The following CAMKMT variants were observed in gnomAD, a reference collection of about 807,000 sequenced individuals.
CAMKMT encodes the protein CaM KMT.
In CAMKMT, 53 loss-of-function variants were observed where a neutral mutation model predicts 48.0. The ratio of observed to expected loss-of-function variants is 1.10; its 90% CI spans 0.89 to 1.39. The LOEUF (loss-of-function observed/expected upper bound fraction) is 1.39, where lower values mean the gene tolerates loss of function less well. Ranked by LOEUF, CAMKMT falls within the 40% of genes most tolerant of loss-of-function variation. CAMKMT has a pLI of 0.00. For missense variants in CAMKMT, 428 were observed against 402.7 expected (o/e 1.06, Z -0.54); for synonymous variants, 165 against 152.3 (o/e 1.08, Z -0.61).
At chr2:44,705,397 G>A in intron 4 of CAMKMT, 1 of 985,328 alleles carries the variant, frequency 1.0e-6, no homozygotes, top group Non-Finnish European at 1.2e-6. Flanking sequence ...AATTTTGAAT[G>A]TGGGCTGCAG....
intron 3 of CAMKMT, among the ~76,000 whole-genome samples, chr2:44,670,270 C>T (rs1224561858): frequency 6.6e-6 from 1 of 152,056 alleles, no homozygotes; most frequent in Non-Finnish European, 1.5e-5. Context: ...CCATGTGGTT[C>T]CTGGAGAGCT....
chr2:44,478,204 C>G (rs1213415273), intron 3 of CAMKMT, among the ~76,000 whole-genome samples: 1 of 152,174 alleles, frequency 6.6e-6, no homozygotes, highest in Non-Finnish European at 1.5e-5. Flanking sequence ...CCCAATATTT[C>G]TGCAATAGTC....
At chr2:44,391,908 T>C (rs1464824882) in intron 3 of CAMKMT, 1 of 152,738 alleles carries the variant, frequency 6.5e-6, no homozygotes, top group Non-Finnish European at 1.5e-5. Flanking sequence ...TTTGGAATGA[T>C]ACTCACCTGC....
intron 3 of CAMKMT, among the ~76,000 whole-genome samples, chr2:44,500,652 C>T (rs1169669916): frequency 6.6e-6 from 1 of 150,566 alleles, no homozygotes; most frequent in African/African-American, 2.4e-5. Flanking sequence ...CTCAATTTTC[C>T]AACATTTCCA....
intron 3 of CAMKMT, among the ~76,000 whole-genome samples, chr2:44,588,310 G>C (rs1348536995): frequency 1.1e-5 from 1 of 88,858 alleles, no homozygotes; most frequent in African/African-American, 4.2e-5. Flanking sequence ...GGGAGGGGGG[G>C]GGTCAGCCCC....
chr2:44,564,197 A>G (rs2103706156), intron 3 of CAMKMT, among the ~76,000 whole-genome samples: 1 of 143,356 alleles, frequency 7.0e-6, no homozygotes, highest in Middle Eastern at 3.7e-3. Context: ...TTTTTTTGAG[A>G]CGGAATCTCA....
At position 44,449,702 on chromosome 2, in the gene CAMKMT, G is replaced by T. The variant is rs145583527; in HGVS notation, c.376+59397G>T. 2.1e-3 allele frequency among the ~76,000 whole-genome samples: 317 copies of T among 152,114 alleles called. 2 individuals carry two copies. Among genetic ancestry groups the T allele is most frequent in the African/African-American group, 7.5e-3 (309 of 41,470 alleles). On this transcript the variant is annotated intron_variant, in intron 3 of 10. Coordinates refer to ENST00000378494, the MANE Select transcript of CAMKMT (RefSeq NM_024766.5). The stretch of plus-strand genomic sequence containing the variant: ...GGCAGATGTATGCTAATTAATACTT[G>T]CTTAAAAACAGCAAGGAAATTTCTT...
At chr2:44,645,366 C>T (rs1031573810) in intron 3 of CAMKMT, among the ~76,000 whole-genome samples, 9 of 152,088 alleles carry the variant, frequency 5.9e-5, no homozygotes, top group Non-Finnish European at 1.0e-4. Flanking sequence ...CAAACCACAG[C>T]GGAGAGGCTA....
chr2:44,457,824 C>T (rs1372529082), intron 3 of CAMKMT, among the ~76,000 whole-genome samples: 2 of 152,132 alleles, frequency 1.3e-5, no homozygotes, highest in Non-Finnish European at 2.9e-5. Flanking sequence ...AAATTCTCAA[C>T]AGAAATTCCA....
intron 9 of CAMKMT, among the ~76,000 whole-genome samples, chr2:44,755,691 T>C (rs1289085128): frequency 6.6e-6 from 1 of 152,330 alleles, no homozygotes; most frequent in East Asian, 1.9e-4. Context: ...CAGATTAGAC[T>C]GGAATCCAGC....
chr2:44,451,112 G>A (rs2104590657), intron 3 of CAMKMT, among the ~76,000 whole-genome samples: 1 of 152,144 alleles, frequency 6.6e-6, no homozygotes, highest in East Asian at 1.9e-4. Flanking sequence ...AATAAAATAA[G>A]TGAAAAGCAC....
intron 1 of CAMKMT, among the ~76,000 whole-genome samples, chr2:44,371,029 G>A (rs1044494004): frequency 1.3e-5 from 2 of 152,128 alleles, no homozygotes; most frequent in African/African-American, 4.8e-5. Flanking sequence ...TTGTCAACCA[G>A]GCTGGAGTGC....
At chr2:44,466,140 A>T (rs74409168) in intron 3 of CAMKMT, among the ~76,000 whole-genome samples, 2 of 152,186 alleles carry the variant, frequency 1.3e-5, no homozygotes, top group Non-Finnish European at 2.9e-5. Flanking sequence ...GAAGATCATA[A>T]GGAAACAAAG....
chr2:44,520,076 A>C (rs1158415976), intron 3 of CAMKMT, among the ~76,000 whole-genome samples: 3 of 148,068 alleles, frequency 2.0e-5, no homozygotes, highest in Admixed American at 1.3e-4. Flanking sequence ...AAAATTAGCC[A>C]GGCGTGGTGG....
intron 3 of CAMKMT, among the ~76,000 whole-genome samples, chr2:44,425,236 CATT>C (rs1211561759): frequency 8.6e-5 from 13 of 152,030 alleles, no homozygotes; most frequent in Admixed American, 2.6e-4. Flanking sequence ...ATGAATAAAA[CATT>C]ATCTTATCAT....
intron 6 of CAMKMT, 48 bp from the exon 7 acceptor site, chr2:44,715,239 T>G: frequency 7.9e-7 from 1 of 1,257,960 alleles, no homozygotes; most frequent in East Asian, 2.3e-5. Flanking sequence ...CCTTTTTTTT[T>G]GGTCACTTCA....
intron 3 of CAMKMT, among the ~76,000 whole-genome samples, chr2:44,446,811 A>T (rs573762748): frequency 5.3e-5 from 8 of 152,338 alleles, no homozygotes; most frequent in African/African-American, 1.9e-4. Flanking sequence ...CAGTCTTTCT[A>T]TCTGAAGTTT....
At chr2:44,726,507 T>C (rs1280270673) in intron 7 of CAMKMT, among the ~76,000 whole-genome samples, 2 of 152,178 alleles carry the variant, frequency 1.3e-5, no homozygotes, top group South Asian at 2.1e-4. Flanking sequence ...CCCTAGAGAT[T>C]CTAGATATTA....
At chr2:44,379,964 C>T (rs779248704) in intron 2 of CAMKMT, among the ~76,000 whole-genome samples, 1 of 152,012 alleles carries the variant, frequency 6.6e-6, no homozygotes, top group Non-Finnish European at 1.5e-5. Context: ...TCTTTTGATG[C>T]ACAAAATTTT....
Sources: gnomAD v4.1 joint callset for allele counts (sites outside exome capture counted in the v4.1 genomes callset) on GRCh38, gnomAD v4.1.1 for gene constraint, MANE v1.5 for transcripts, NCBI Gene and HGNC (gene_info 2026-07-23, HGNC 2026-07-21) for gene names.